Variants in P2RY8 observed in about 807,000 individuals in gnomAD.
P2RY8 encodes P2Y receptor family member 8.
A neutral mutation model predicts 10.0 loss-of-function variants in P2RY8; 6 were observed. The observed-to-expected ratio is 0.60, with a 90% CI of 0.33 to 1.19. P2RY8 has a LOEUF of 1.19. Ranked by LOEUF, P2RY8 falls within the 50% of genes most tolerant of loss-of-function variation. The pLI, the probability that P2RY8 is intolerant of heterozygous loss-of-function variation, is 0.04. For synonymous variants in P2RY8, 276 were observed against 252.5 expected (o/e 1.09, Z -0.88); for missense variants, 456 against 542.0 (o/e 0.84, Z 1.58).
rs1227869163 is a variant in P2RY8 at position 1,466,295 on chromosome X, G to C, written c.264C>G (p.His88Gln). 1.2e-6 allele frequency: 2 copies of C among 1,613,796 alleles called. No homozygotes were observed. The highest frequency in any genetic ancestry group is 1.7e-6 in the Non-Finnish European group (2 of 1,179,864). Residue 88 changes from histidine to glutamine, a missense_variant, in exon 2 of 2, where the codon CAC (histidine) becomes CAG (glutamine). His to Gln is a conservative substitution (Grantham distance 24). Coordinates refer to ENST00000381297, the MANE Select transcript of P2RY8 (RefSeq NM_178129.5). ...TGCAAAGCAGCACCCCGAATACCCA[G>C]TGGTGGCGGTTGCAATGGTAGTAGA... ...FQIYYHCNRHHWVFGVLLCNV... is the reference protein window; with the variant it reads ...FQIYYHCNRHQWVFGVLLCNV...
At chrX:1,511,256 G>T (rs1212053746) in intron 1 of P2RY8, among the ~76,000 whole-genome samples, 2 of 152,160 alleles carry the variant, frequency 1.3e-5, no homozygotes, top group African/African-American at 4.8e-5. Context: ...AAGGTTAAAA[G>T]TCTCTACCCC....
intron 1 of P2RY8, among the ~76,000 whole-genome samples, chrX:1,477,379 C>T (rs2091887900): frequency 6.7e-6 from 1 of 150,176 alleles, no homozygotes; most frequent in African/African-American, 2.5e-5. Flanking sequence ...TATCAATTTT[C>T]TCTCTATCAA....
At chrX:1,490,341 A>C (rs1338773719) in intron 1 of P2RY8, among the ~76,000 whole-genome samples, 3 of 147,308 alleles carry the variant, frequency 2.0e-5, no homozygotes, top group Admixed American at 6.7e-5. Context: ...ACTTCTGCAA[A>C]TGTAGAGAGA....
intron 1 of P2RY8, among the ~76,000 whole-genome samples, chrX:1,479,873 C>A (rs1314662344): frequency 6.6e-6 from 1 of 152,064 alleles, no homozygotes; most frequent in Non-Finnish European, 1.5e-5. Context: ...CAATTCTGTG[C>A]CCATAAAATT....
At chrX:1,473,930 G>T (rs1202218808) in intron 1 of P2RY8, among the ~76,000 whole-genome samples, 1 of 151,902 alleles carries the variant, frequency 6.6e-6, no homozygotes, top group East Asian at 2.0e-4. Context: ...TAGATGAGTA[G>T]GTGGATGGGT....
chrX:1,482,949 G>A (rs1337100728), intron 1 of P2RY8, among the ~76,000 whole-genome samples: 1 of 152,008 alleles, frequency 6.6e-6, no homozygotes, highest in African/African-American at 2.4e-5. Flanking sequence ...GTTGTGGGGT[G>A]GGGGGACGGG....
intron 1 of P2RY8, among the ~76,000 whole-genome samples, chrX:1,482,371 G>A (rs1181145094): frequency 6.6e-6 from 1 of 151,754 alleles, no homozygotes; most frequent in African/African-American, 2.4e-5. Flanking sequence ...GAAATAGCAC[G>A]TATGCTGAAA....
chrX:1,524,365 C>CCACT (rs201607591), intron 1 of P2RY8, among the ~76,000 whole-genome samples: 1,643 of 128,844 alleles, frequency 0.013, 93 homozygotes, highest in African/African-American at 0.031. Context: ...ATCCATCCAT[C>CCACT]CATCCACTCA....
intron 1 of P2RY8, among the ~76,000 whole-genome samples, chrX:1,502,963 G>C (rs1376159699): frequency 1.3e-5 from 2 of 152,142 alleles, no homozygotes; most frequent in African/African-American, 4.8e-5. Context: ...CCATATCCTA[G>C]AGCCCAGAAC....
chrX:1,474,810 C>T (rs1433791275), intron 1 of P2RY8, among the ~76,000 whole-genome samples: 1 of 124,558 alleles, frequency 8.0e-6, no homozygotes, highest in Admixed American at 8.2e-5. Context: ...AGATGGGTGG[C>T]TGGATAGATG....
intron 1 of P2RY8, among the ~76,000 whole-genome samples, chrX:1,513,210 T>C (rs769296242): frequency 6.7e-4 from 102 of 151,472 alleles, no homozygotes; most frequent in African/African-American, 2.4e-3. Context: ...CATCCTTTTT[T>C]ATGACTGCAT....
Position 1,478,154 on chromosome X carries a change from A to T in P2RY8, c.-24-11572T>A, listed in dbSNP as rs138671042. On this transcript the variant is annotated intron_variant, in intron 1 of 1. Transcript: ENST00000381297. ...AAAGAGAAGTTCTTGACTCATGTGG[A>T]ACCTTCCATTGGTATCTCCTGTTTC... Among the ~76,000 whole-genome samples, 536 of 152,138 alleles carry T rather than the reference A, an allele frequency of 3.5e-3. 2 individuals carry two copies. Among genetic ancestry groups the T allele is most frequent in the African/African-American group, 0.013 (521 of 41,496 alleles).
chrX:1,515,408 G>C, intron 1 of P2RY8, among the ~76,000 whole-genome samples: 2 of 130,958 alleles, frequency 1.5e-5, no homozygotes, highest in East Asian at 4.3e-4. Flanking sequence ...TTTTGCTCTT[G>C]TTGCCCAGGC....
At chrX:1,489,165 G>A (rs763571368) in intron 1 of P2RY8, among the ~76,000 whole-genome samples, 3 of 152,118 alleles carry the variant, frequency 2.0e-5, no homozygotes, top group Admixed American at 2.0e-4. Flanking sequence ...CAAAAGTGGA[G>A]GGAATGAATG....
intron 1 of P2RY8, among the ~76,000 whole-genome samples, chrX:1,518,799 C>T (rs1361476383): frequency 6.6e-6 from 1 of 151,996 alleles, no homozygotes; most frequent in African/African-American, 2.4e-5. Flanking sequence ...TTCTGGTTCC[C>T]CAAAATCTTT....
intron 1 of P2RY8, among the ~76,000 whole-genome samples, chrX:1,522,035 C>T (rs1264915670): frequency 2.7e-5 from 4 of 147,290 alleles, no homozygotes; most frequent in African/African-American, 1.0e-4. Flanking sequence ...TCACCGCAAC[C>T]TCCGCCTCCC....
chrX:1,535,793 C>T lies in P2RY8; in HGVS notation c.-25+1128G>A, dbSNP rs1284805485. ...GGAACAGAGCCACGTGACCATGGTT[C>T]CCCTTTATAGAAATGGGACCTAAAG... On this transcript the variant is annotated intron_variant, in intron 1 of 1. Transcript: ENST00000381297. Among the ~76,000 whole-genome samples, 8 of 151,918 alleles carry T rather than the reference C, an allele frequency of 5.3e-5. 1 individual carries two copies. The highest frequency in any genetic ancestry group is 9.7e-5 in the African/African-American group (4 of 41,336).
Position 1,484,424 on chromosome X carries a change from G to C in P2RY8, c.-24-17842C>G, listed in dbSNP as rs369445871. ...AGTACCCATCCTAGGCTACCCCTCAGCACAAGAAATTAACATTACAGGCCG... is the reference window on the plus strand; with the variant it reads ...AGTACCCATCCTAGGCTACCCCTCACCACAAGAAATTAACATTACAGGCCG... On this transcript the variant is annotated intron_variant, in intron 1 of 1. Transcript: ENST00000381297. Among the ~76,000 whole-genome samples the C allele has an allele frequency of 1.9e-3, 282 of 152,092 alleles. 1 individual carries two copies. The highest frequency in any genetic ancestry group is 6.4e-3 in the African/African-American group (267 of 41,520).
intron 1 of P2RY8, among the ~76,000 whole-genome samples, chrX:1,475,222 G>T (rs1243932224): frequency 1.3e-5 from 2 of 149,110 alleles, no homozygotes; most frequent in African/African-American, 2.5e-5. Context: ...TGGGTGGATG[G>T]ATGGATGAGT....
Sources: allele counts gnomAD v4.1 joint callset (sites outside exome capture counted in the v4.1 genomes callset), GRCh38; gene constraint gnomAD v4.1.1; transcripts MANE v1.5; gene names NCBI Gene and HGNC (gene_info 2026-07-23, HGNC 2026-07-21).